ERBB4: variants seen among roughly 807,000 people sequenced by gnomAD.
ERBB4 encodes the protein receptor tyrosine-protein kinase erbB-4.
Under a neutral mutation model 158.0 loss-of-function variants are expected in ERBB4, and 42 were observed. The observed-to-expected ratio is 0.27, with a 90% confidence interval of 0.21 to 0.34. The LOEUF is 0.34. Ranked by LOEUF, ERBB4 falls within the 10% of genes least tolerant of loss-of-function variation. The pLI, the probability that ERBB4 is intolerant of heterozygous loss-of-function variation, is 1.00. For missense variants in ERBB4, 1,333 were observed against 1,624.1 expected, an observed-to-expected ratio of 0.82 and a Z score of 3.08; for synonymous variants, 583 against 558.7, an observed-to-expected ratio of 1.04 and a Z score of -0.61.
chr2:211,861,088 A>T lies in ERBB4; in HGVS notation c.422-72929T>A, dbSNP rs1273343805. Among the ~76,000 whole-genome samples, 209 of 53,870 alleles carry T rather than the reference A, an allele frequency of 3.9e-3. 11 individuals are homozygous for T. The highest frequency in any genetic ancestry group is 5.4e-3 in the Non-Finnish European group (155 of 28,512). 35.3% of individuals were successfully genotyped at this position (53,870 alleles called of 152,430 possible). ...ATATAATATATTTATATATTATAAA[A>T]TATATAAATACATTATATATATTTA... On this transcript the variant is annotated intron_variant, in intron 3 of 27. Coordinates refer to ENST00000342788, the MANE Select transcript of ERBB4 (RefSeq NM_005235.3).
At chr2:211,580,834 AGAT>A (rs1559317292) in intron 19 of ERBB4, among the ~76,000 whole-genome samples, 8 of 79,828 alleles carry the variant, frequency 1.0e-4, no homozygotes, top group African/African-American at 2.1e-4. Flanking sequence ...TTATATATAT[AGAT>A]TATATATTAT....
intron 1 of ERBB4, among the ~76,000 whole-genome samples, chr2:212,218,802 G>C (rs921478865): frequency 6.6e-6 from 1 of 151,360 alleles, no homozygotes; most frequent in Non-Finnish European, 1.5e-5. Context: ...AGAAAGATGA[G>C]TTTCATGTAT....
At chr2:212,105,228 A>G (rs903551878) in intron 2 of ERBB4, among the ~76,000 whole-genome samples, 1 of 152,206 alleles carries the variant, frequency 6.6e-6, no homozygotes, top group East Asian at 1.9e-4. Flanking sequence ...TTGTCAGATC[A>G]TGAATTTTAA....
chr2:212,407,254 T>G (rs1031295134), intron 1 of ERBB4, among the ~76,000 whole-genome samples: 3 of 151,922 alleles, frequency 2.0e-5, no homozygotes, highest in African/African-American at 7.2e-5. Flanking sequence ...ATTCATGCTT[T>G]AATAAGCAAT....
intron 13 of ERBB4, among the ~76,000 whole-genome samples, chr2:211,676,761 T>C (rs945104200): frequency 2.0e-5 from 3 of 152,190 alleles, no homozygotes; most frequent in African/African-American, 7.2e-5. Context: ...TCAATAAACT[T>C]TTAATGTAAT....
At chr2:212,420,059 G>T (rs1463862116) in intron 1 of ERBB4, among the ~76,000 whole-genome samples, 1 of 151,978 alleles carries the variant, frequency 6.6e-6, no homozygotes, top group African/African-American at 2.4e-5. Context: ...TTTCATAAAA[G>T]GTGCTGAGAA....
chr2:211,456,169 C>A (rs2064376799), intron 20 of ERBB4, among the ~76,000 whole-genome samples: 1 of 152,090 alleles, frequency 6.6e-6, no homozygotes, highest in Non-Finnish European at 1.5e-5. Context: ...CATTTGTTAA[C>A]TAAGTGATCC....
chr2:211,785,445 A>G (rs1348473169), intron 4 of ERBB4, among the ~76,000 whole-genome samples: 1 of 152,094 alleles, frequency 6.6e-6, no homozygotes, highest in African/African-American at 2.4e-5. Context: ...TGTCTATTTT[A>G]GCTTTTGCTG....
intron 3 of ERBB4, among the ~76,000 whole-genome samples, chr2:211,900,058 A>T (rs1347893943): frequency 6.6e-6 from 1 of 152,242 alleles, no homozygotes; most frequent in South Asian, 2.1e-4. Context: ...TCTTATGCCA[A>T]TTCCCACAGA....
At chr2:212,176,633 C>A (rs925576601) in intron 1 of ERBB4, among the ~76,000 whole-genome samples, 1 of 151,930 alleles carries the variant, frequency 6.6e-6, no homozygotes, top group Non-Finnish European at 1.5e-5. Flanking sequence ...TTTTCACCTA[C>A]CTAATGCTGA....
intron 1 of ERBB4, among the ~76,000 whole-genome samples, chr2:212,480,004 T>G (rs749137806): frequency 1.3e-5 from 2 of 152,182 alleles, no homozygotes; most frequent in Non-Finnish European, 2.9e-5. Flanking sequence ...TACGTATTTC[T>G]TCATATTTGA....
chr2:212,366,748 A>C (rs899690608), intron 1 of ERBB4, among the ~76,000 whole-genome samples: 1 of 152,060 alleles, frequency 6.6e-6, no homozygotes, highest in East Asian at 1.9e-4. Context: ...TTTTAACTCT[A>C]TGGATTAAAT....
intron 20 of ERBB4, among the ~76,000 whole-genome samples, chr2:211,483,922 G>A (rs374558612): frequency 2.0e-5 from 3 of 151,938 alleles, no homozygotes; most frequent in African/African-American, 7.3e-5. Context: ...TTAAAGTATG[G>A]AAAGAAAAAA....
intron 5 of ERBB4, among the ~76,000 whole-genome samples, chr2:211,731,109 G>A (rs2074413997): frequency 6.6e-6 from 1 of 152,074 alleles, no homozygotes; most frequent in East Asian, 1.9e-4. Context: ...TTGCCTCACT[G>A]GTTCTGAAGG....
chr2:211,475,124 T>A (rs2125535125), intron 20 of ERBB4, among the ~76,000 whole-genome samples: 1 of 152,232 alleles, frequency 6.6e-6, no homozygotes, highest in Non-Finnish European at 1.5e-5. Context: ...GTCAAAAGCA[T>A]GTAAATAGCA....
chr2:211,409,722 G>A (rs3791699), intron 25 of ERBB4, among the ~76,000 whole-genome samples: 40,974 of 151,866 alleles, frequency 0.27, 5,791 homozygotes, highest in South Asian at 0.48. Flanking sequence ...TTTGACCAGG[G>A]GTGGGGGGAA....
intron 1 of ERBB4, among the ~76,000 whole-genome samples, chr2:212,381,903 T>C (rs2090516026): frequency 6.6e-6 from 1 of 151,370 alleles, no homozygotes; most frequent in East Asian, 1.9e-4. Context: ...ATCATTCTTT[T>C]TTTCCCCTTA....
chr2:211,425,768 A>C (rs1574467041), intron 22 of ERBB4, among the ~76,000 whole-genome samples: 1 of 152,066 alleles, frequency 6.6e-6, no homozygotes, highest in Non-Finnish European at 1.5e-5. Context: ...TGCACCCTCA[A>C]CTTCCCCAGG....
At chr2:211,879,374 C>A (rs73071355) in intron 3 of ERBB4, among the ~76,000 whole-genome samples, 1 of 151,828 alleles carries the variant, frequency 6.6e-6, no homozygotes, top group African/African-American at 2.4e-5. Flanking sequence ...TAGGGAGTTC[C>A]CATTGAAAGC....
Sources: allele counts gnomAD v4.1 joint callset (sites outside exome capture counted in the v4.1 genomes callset), GRCh38; gene constraint gnomAD v4.1.1; transcripts MANE v1.5; gene names NCBI Gene and HGNC (gene_info 2026-07-23, HGNC 2026-07-21).